The following ARHGEF28 variants were observed in gnomAD, a reference collection of about 807,000 sequenced individuals.
ARHGEF28 encodes the protein 190 kDa guanine nucleotide exchange factor.
In ARHGEF28, 152 loss-of-function variants were observed where a neutral mutation model predicts 206.6. The ratio of observed to expected loss-of-function variants is 0.74; its 90% CI spans 0.64 to 0.84. The LOEUF (loss-of-function observed/expected upper bound fraction) is 0.84. ARHGEF28 is among the 40% of genes least tolerant of loss of function. ARHGEF28 has a pLI of 0.00. For synonymous variants in ARHGEF28, 763 were observed against 776.4 expected, an observed-to-expected ratio of 0.98 and a Z score of 0.29; for missense variants, 2,028 against 2,073.2, an observed-to-expected ratio of 0.98 and a Z score of 0.42.
At chr5:73,819,210 G>A (rs1458996705) in intron 9 of ARHGEF28, among the ~76,000 whole-genome samples, 1 of 152,214 alleles carries the variant, frequency 6.6e-6, no homozygotes, top group Non-Finnish European at 1.5e-5. Flanking sequence ...ATACAGAAAT[G>A]CAGAGAGGTG....
Position 73,901,241 on chromosome 5 carries a change from A to G in ARHGEF28, c.4031A>G (p.Gln1344Arg). ...TGTTCGGATGTGGATCCCGGGATCC[A>G]GGGTGTGGTAACCGACTTGGCCGTC... The part of the protein sequence containing the change: ...RGCSDVDPGI[Q>R]GVVTDLAVSD... Residue 1344 changes from glutamine (Q) to arginine (R), a missense_variant, in exon 31 of 36, where the codon CAG becomes CGG. Gln to Arg is a conservative substitution (Grantham distance 43). Around this residue, in one of 3 missense-constraint regions of ARHGEF28, gnomAD observed 803 missense variants for 768.0 expected, o/e 1.05. Transcript: ENST00000513042. 6.2e-7 allele frequency: 1 copy of G among 1,613,286 alleles called. No individual in the cohort carries two copies.
chr5:73,731,011 T>TAA (rs10699304), intron 2 of ARHGEF28, among the ~76,000 whole-genome samples: 8,224 of 142,328 alleles, frequency 0.058, 503 homozygotes, highest in African/African-American at 0.15. Flanking sequence ...GCCTTTAAGC[T>TAA]AAAAAAAAAA....
chr5:73,915,248 A>G (rs1375732775), intron 35 of ARHGEF28, among the ~76,000 whole-genome samples: 2 of 151,936 alleles, frequency 1.3e-5, no homozygotes, highest in African/African-American at 4.8e-5. Context: ...GGGCCTGAAC[A>G]TTTTCAGTAT....
At chr5:73,744,340 C>T (rs780043991) in intron 2 of ARHGEF28, among the ~76,000 whole-genome samples, 7 of 152,102 alleles carry the variant, frequency 4.6e-5, no homozygotes, top group Non-Finnish European at 8.8e-5. Flanking sequence ...GATAACCTAA[C>T]TTGGGGGTTG....
At chr5:73,935,231 A>C (rs1200267900) in intron 35 of ARHGEF28, among the ~76,000 whole-genome samples, 1 of 152,210 alleles carries the variant, frequency 6.6e-6, no homozygotes, top group Non-Finnish European at 1.5e-5. Context: ...TTACTTCACA[A>C]ATTTGTACAT....
At position 73,885,965 on chromosome 5, in the gene ARHGEF28, C is replaced by G; in HGVS notation, c.3171C>G (p.Ile1057Met). The G allele has an allele frequency of 6.2e-7, 1 of 1,613,478 alleles. No homozygotes were observed. The highest frequency in any genetic ancestry group is 8.5e-7 in the Non-Finnish European group (1 of 1,179,688). The change falls in exon 25 of 36, where the codon ATC (isoleucine) becomes ATG (methionine). Residue 1057 changes from isoleucine (I) to methionine (M), a missense_variant. Around this residue, in one of 3 missense-constraint regions of ARHGEF28, gnomAD observed 223 missense variants for 289.9 expected, o/e 0.77. Transcript: ENST00000513042. ...EYEKNQKWLE[I>M]LNKIENKTYT... ...AGAAAAACCAAAAATGGCTTGAGAT[C>G]CTAAATAAGATTGAAAACAAAACAT...
In ARHGEF28 at chr5:73,890,173, G is replaced by A. The variant is rs188603568; in HGVS notation, c.3388-1879G>A. 4.6e-5 allele frequency among the ~76,000 whole-genome samples: 7 copies of A among 152,286 alleles called. No homozygotes were observed. In the East Asian group the frequency reaches 1.4e-3, roughly 29 times the overall value. On this transcript the variant is annotated intron_variant, in intron 26 of 35. Transcript: ENST00000513042. ...TGAATACCGATGGACAGGTTCCCAT[G>A]CCCCCTGGTCTGATGGTGATCGAAT...
intron 1 of ARHGEF28, among the ~76,000 whole-genome samples, chr5:73,638,488 C>T (rs1165963093): frequency 2.0e-5 from 3 of 152,274 alleles, no homozygotes; most frequent in African/African-American, 4.8e-5. Context: ...GAGGAGAGGC[C>T]TCTAGTCCAG....
chr5:73,866,032 G>T lies in ARHGEF28; in HGVS notation c.2152+19G>T. 6.3e-7 allele frequency: 1 copy of T among 1,577,374 alleles called. No individual in the cohort carries two copies. Among genetic ancestry groups the T allele is most frequent in the South Asian group, 1.2e-5 (1 of 86,946 alleles). ...CTTGGAAGTAAGTGATGTAGAAAAC[G>T]ACAAGAACTTTTAAAAATTTAATAC... is the stretch of plus-strand genomic sequence containing the variant. On this transcript the variant is annotated intron_variant, in intron 18 of 35. Transcript: ENST00000513042.
chr5:73,918,980 GAT>G (rs1450842486), intron 35 of ARHGEF28, among the ~76,000 whole-genome samples: 1 of 152,202 alleles, frequency 6.6e-6, no homozygotes, highest in African/African-American at 2.4e-5. Flanking sequence ...GCTGGCCTGG[GAT>G]ACTGGACTTG....
intron 2 of ARHGEF28, among the ~76,000 whole-genome samples, chr5:73,741,385 G>GTATATATA (rs67973637): frequency 4.6e-4 from 10 of 21,844 alleles, no homozygotes; most frequent in South Asian, 3.3e-3. Flanking sequence ...GTGTGTGTGT[G>GTATATATA]TATATATATA....
At chr5:73,901,926 A>G (rs371036305) in intron 31 of ARHGEF28, 1 of 152,168 alleles carries the variant, frequency 6.6e-6, no homozygotes, top group South Asian at 2.1e-4. Context: ...TGAAAGTGAG[A>G]TGTCAGAAAT....
chr5:73,766,020 C>T (rs1369456893), intron 4 of ARHGEF28, among the ~76,000 whole-genome samples: 5 of 151,742 alleles, frequency 3.3e-5, no homozygotes, highest in African/African-American at 7.3e-5. Context: ...GGCGCAGTGG[C>T]GGGTGCCTGT....
chr5:73,790,311 T>C (rs555012660), intron 7 of ARHGEF28, among the ~76,000 whole-genome samples: 4 of 152,196 alleles, frequency 2.6e-5, no homozygotes, highest in African/African-American at 7.2e-5. Context: ...TTCTCCACTG[T>C]CTTAAATAAT....
intron 34 of ARHGEF28, among the ~76,000 whole-genome samples, chr5:73,910,956 GAT>G (rs1472422338): frequency 7.9e-5 from 12 of 152,124 alleles, no homozygotes; most frequent in African/African-American, 2.7e-4. Context: ...TGTATATATG[GAT>G]ATGTTTTCAA....
intron 35 of ARHGEF28, among the ~76,000 whole-genome samples, chr5:73,933,235 A>G (rs756666038): frequency 2.0e-5 from 3 of 152,230 alleles, no homozygotes; most frequent in Non-Finnish European, 2.9e-5. Context: ...CACTGAAGCT[A>G]TAAAATGAAA....
At position 73,792,642 on chromosome 5, in the gene ARHGEF28, C is replaced by CTTT. The variant is rs397943639; in HGVS notation, c.911-1742_911-1740dup. ...CTCTGGTCCAGGTTATCCTTCCCTTCTTTTTTTTTTTTTTTTTTTTAACGC... is the reference window on the plus strand; with the variant it reads ...CTCTGGTCCAGGTTATCCTTCCCTTCTTTTTTTTTTTTTTTTTTTTTTTAACGC... On this transcript the variant is annotated intron_variant, in intron 7 of 35. Coordinates refer to ENST00000513042, the MANE Select transcript of ARHGEF28 (RefSeq NM_001177693.2). Among the ~76,000 whole-genome samples, 838 of 122,028 alleles carry CTTT rather than the reference C, an allele frequency of 6.9e-3. 8 individuals carry two copies. The highest frequency in any genetic ancestry group is 0.012 in the African/African-American group (396 of 32,306). The allele number at this position is 122,028 out of a possible 152,430, so 80.1% of individuals were successfully genotyped here. A position where few individuals can be genotyped will look rare whatever the true frequency, so the allele number is the denominator to read the frequency against.
chr5:73,755,499 A>G (rs927920534), intron 4 of ARHGEF28, among the ~76,000 whole-genome samples: 6 of 152,202 alleles, frequency 3.9e-5, no homozygotes, highest in African/African-American at 1.4e-4. Context: ...TGCCTCTGAA[A>G]AATTACAAAT....
intron 10 of ARHGEF28, among the ~76,000 whole-genome samples, chr5:73,833,770 G>A (rs1480074088): frequency 6.6e-6 from 1 of 152,158 alleles, no homozygotes; most frequent in African/African-American, 2.4e-5. Flanking sequence ...AATGGCGGAA[G>A]ATACCTCTTC....
Sources: allele counts gnomAD v4.1 joint callset (sites outside exome capture counted in the v4.1 genomes callset), GRCh38; gene constraint gnomAD v4.1.1; regional missense constraint gnomAD v4.1.1; transcripts MANE v1.5; gene names NCBI Gene and HGNC (gene_info 2026-07-23, HGNC 2026-07-21).